The following SYMPK variants were observed in gnomAD, a reference collection of about 807,000 sequenced individuals.
SYMPK encodes symplekin.
A neutral mutation model predicts 136.4 loss-of-function variants in SYMPK; 49 were observed. That is an observed-to-expected ratio of 0.36 (90% CI 0.29 to 0.46). SYMPK has a LOEUF of 0.46. Among genes scored for constraint, SYMPK ranks in the 20% least tolerant of loss-of-function variants. The pLI is 1.00. For synonymous variants in SYMPK, 766 were observed against 713.0 expected, an observed-to-expected ratio of 1.07 and a Z score of -1.19; for missense variants, 1,365 against 1,690.0, an observed-to-expected ratio of 0.81 and a Z score of 3.37.
chr19:45,834,944 G>T, intron 11 of SYMPK, 134 bp downstream of exon 11: 1 of 779,550 alleles, frequency 1.3e-6, no homozygotes, highest in Non-Finnish European at 1.9e-6. Flanking sequence ...TCTATCTGTG[G>T]TACCTGTCAT....
In SYMPK at chr19:45,821,345, C is replaced by T; in HGVS notation, c.2893+39G>A. Reference sequence around the variant, plus strand: ...TGACTGAGGTCCTGCCCTGGCGTCGCAGGGGCCAGGCCACTGGAGTGGGGG... The same window carrying T: ...TGACTGAGGTCCTGCCCTGGCGTCGTAGGGGCCAGGCCACTGGAGTGGGGG... On this transcript the variant is annotated intron_variant, in intron 22 of 26. Transcript: ENST00000245934. The surrounding 1 kb of genome is among the most constrained non-coding windows in gnomAD (Gnocchi z 4.4). The T allele has an allele frequency of 6.6e-7, 1 of 1,512,818 alleles. No homozygotes were observed. The highest frequency in any genetic ancestry group is 1.1e-5 in the South Asian group (1 of 88,980). 93.7% of individuals were successfully genotyped at this position (1,512,818 alleles called of 1,614,324 possible).
chr19:45,822,941 GA>G (rs1445541074), intron 20 of SYMPK, 95 bp from the exon 21 acceptor site: 1 of 1,071,796 alleles, frequency 9.3e-7, no homozygotes, highest in Non-Finnish European at 1.4e-6. Context: ...CTGGGGAGCT[GA>G]GGGCAAGCTC....
chr19:45,853,464 C>A (rs189797830), intron 3 of SYMPK, among the ~76,000 whole-genome samples: 238 of 152,172 alleles, frequency 1.6e-3, no homozygotes, highest in Admixed American at 3.3e-3. Flanking sequence ...CATGGTGAAA[C>A]GCGTCTCTAC....
chr19:45,823,329 CAT>C lies in SYMPK; in HGVS notation c.2700+41_2700+42del, dbSNP rs763952285. On this transcript the variant is annotated intron_variant, in intron 20 of 26. Coordinates refer to ENST00000245934, the MANE Select transcript of SYMPK (RefSeq NM_004819.3). ...TGCTGCCCTGCCCCTCCCAGTCCCA[CAT>C]GTCCCAGGTAGCAGGGACAAACAGG... 4.4e-6 allele frequency: 7 copies of C among 1,578,718 alleles called. No homozygotes were observed. In the South Asian group the frequency reaches 6.6e-5, roughly 15 times the overall value.
Position 45,863,084 on chromosome 19 carries a change from C to G in SYMPK, c.-39G>C. ...GCAGCTCTGGCCTCCGTTCCCCTCG[C>G]GCCCCCTCAGCAGTGCCTCTTCCTA... On this transcript the variant is annotated 5_prime_UTR_variant, in exon 1 of 27. Transcript: ENST00000245934. The G allele has an allele frequency of 2.5e-6, 1 of 402,194 alleles. No homozygotes were observed. Among genetic ancestry groups the G allele is most frequent in the Non-Finnish European group, 4.4e-6 (1 of 227,208 alleles). 24.9% of individuals were successfully genotyped at this position (402,194 alleles called of 1,614,324 possible).
rs1367932728 is a variant in SYMPK at position 45,852,494 on chromosome 19, G to A, written c.213C>T (p.Asp71=). ...LIINKDPTLL[D]NFLDEIIAFQ... ...GTCAGTCACTCACATCCAGGAAGTT[G>A]TCCAGTAGTGTGGGGTCTTTGTTGA... The change falls in exon 4 of 27, where the codon GAC becomes GAT. Residue 71 remains aspartate (D), a synonymous_variant. Coordinates refer to ENST00000245934, the MANE Select transcript of SYMPK (RefSeq NM_004819.3). The A allele has an allele frequency of 6.2e-7, 1 of 1,614,180 alleles. No individual in the cohort carries two copies. The highest frequency in any genetic ancestry group is 1.1e-5 in the South Asian group (1 of 91,086).
At chr19:45,820,867 T>C (rs770952768) in intron 22 of SYMPK, 7 of 501,076 alleles carry the variant, frequency 1.4e-5, no homozygotes, top group Non-Finnish European at 2.5e-5. Flanking sequence ...GGCTCAGGCC[T>C]GTAGGCGTTC....
Position 45,815,986 on chromosome 19 carries a change from CG to C in SYMPK, c.3551del (p.Pro1184ArgfsTer30). 1 of 1,607,822 alleles carries C rather than the reference CG, an allele frequency of 6.2e-7. No individual in the cohort carries two copies. The highest frequency in any genetic ancestry group is 1.1e-5 in the South Asian group (1 of 90,028). ...CCCGGAAATCCATGGCTTCCTCAGA[CG>C]GGGGCGGGCCTGGCCGGGCCGACGG... ...PSPSARPGPPPSEEAMDFREE... is the reference protein window; with the variant it reads ...PSPSARPGPPXSEEAMDFREE... On this transcript the variant is annotated frameshift_variant, in exon 26 of 27. Coordinates refer to ENST00000245934, the MANE Select transcript of SYMPK (RefSeq NM_004819.3). LOFTEE classifies it high-confidence loss of function.
chr19:45,852,234 G>T (rs1184219783), intron 5 of SYMPK, 78 bp downstream of exon 5: 1 of 1,465,390 alleles, frequency 6.8e-7, no homozygotes, highest in Admixed American at 1.7e-5. Flanking sequence ...CCTCTCAGTG[G>T]TGGCCTCCAG....
Position 45,826,319 on chromosome 19 carries a change from G to A in SYMPK, c.2236C>T (p.Arg746Trp), listed in dbSNP as rs772718165. ...AGGGCAAATTTCTCCACATACTCCC[G>A]CAGCTGCTCCTTCTCATACATGCGT... ...IKRMYEKEQLREYVEKFALNY... is the reference protein window; with the variant it reads ...IKRMYEKEQLWEYVEKFALNY... Residue 746 changes from arginine to tryptophan, a missense_variant, in exon 17 of 27, where the codon CGG (arginine) becomes TGG (tryptophan). Transcript: ENST00000245934. 4.1e-5 allele frequency: 66 copies of A among 1,614,004 alleles called. No individual in the cohort carries two copies. The highest frequency in any genetic ancestry group is 1.0e-4 in the Admixed American group (6 of 59,994).
intron 7 of SYMPK, among the ~76,000 whole-genome samples, chr19:45,845,115 C>CTT (rs35540632): frequency 6.8e-6 from 1 of 147,072 alleles, no homozygotes; most frequent in Non-Finnish European, 1.5e-5. Context: ...AATACTGGAT[C>CTT]TTTTTTTTTT....
chr19:45,816,177 G>A lies in SYMPK; in HGVS notation c.3361C>T (p.Leu1121=), dbSNP rs1223398405. Residue 1121 remains leucine, a synonymous_variant, in exon 26 of 27, where the codon CTG becomes TTG. Coordinates refer to ENST00000245934, the MANE Select transcript of SYMPK (RefSeq NM_004819.3). ...APAGPLEEDD[L]EPLTLAPAPA... ...GCCGGGGCCAAGGTCAGGGGCTCCA[G>A]ATCATCCTGGGGATAGGGAGGGCCA... 2.6e-6 allele frequency: 4 copies of A among 1,535,006 alleles called. No individual in the cohort carries two copies. The highest frequency in any genetic ancestry group is 2.7e-5 in the African/African-American group (2 of 73,072).
intron 23 of SYMPK, 107 bp downstream of exon 23, chr19:45,817,841 AGCAGAGCCTGC>A (rs1476233483): frequency 2.1e-5 from 23 of 1,079,972 alleles, no homozygotes; most frequent in Admixed American, 5.3e-5. Flanking sequence ...CAGGAGGCAG[AGCAGAGCCTGC>A]TGTCCTCCAC....
chr19:45,848,098 A>T (rs752539550), intron 6 of SYMPK, 97 bp from the exon 7 acceptor site: 2 of 1,393,746 alleles, frequency 1.4e-6, no homozygotes, highest in Admixed American at 2.4e-5. Flanking sequence ...GAGAACCATG[A>T]ATGATGAATA....
chr19:45,860,129 C>CA (rs200235781), intron 1 of SYMPK, among the ~76,000 whole-genome samples: 262 of 129,936 alleles, frequency 2.0e-3, no homozygotes, highest in African/African-American at 5.5e-3. Flanking sequence ...AACCTGTTTC[C>CA]AAAAAAAAAA....
intron 22 of SYMPK, among the ~76,000 whole-genome samples, chr19:45,818,608 C>T (rs916185060): frequency 3.3e-5 from 5 of 152,160 alleles, no homozygotes; most frequent in South Asian, 2.1e-4. Flanking sequence ...ACAGGGCTTG[C>T]GCTGGTGCTG....
At chr19:45,815,768 G>GC (rs1279383868) in intron 26 of SYMPK, 71 bp from the exon 27 acceptor site, 1 of 1,588,328 alleles carries the variant, frequency 6.3e-7, no homozygotes, top group Non-Finnish European at 8.6e-7. Context: ...TTCAGGCCCT[G>GC]CCCCCTGATG....
At chr19:45,859,400 C>G (rs1971908735) in intron 1 of SYMPK, among the ~76,000 whole-genome samples, 1 of 151,458 alleles carries the variant, frequency 6.6e-6, no homozygotes, top group African/African-American at 2.4e-5. Context: ...GAGTTCAAGA[C>G]CAGCCTGGCC....
chr19:45,836,786 A>G (rs1971311718), intron 10 of SYMPK, among the ~76,000 whole-genome samples: 1 of 152,090 alleles, frequency 6.6e-6, no homozygotes, highest in Non-Finnish European at 1.5e-5. Context: ...TCACAGGTAC[A>G]TGCCACCATG....
Sources: allele counts gnomAD v4.1 joint callset (sites outside exome capture counted in the v4.1 genomes callset), GRCh38; gene constraint gnomAD v4.1.1; non-coding constraint Gnocchi (gnomAD v3.1); transcripts MANE v1.5; gene names NCBI Gene and HGNC (gene_info 2026-07-23, HGNC 2026-07-21).